The following GARS1 variants were observed in gnomAD, a reference collection of about 807,000 sequenced individuals.
GARS1 encodes the protein glycyl-tRNA synthetase 1.
GARS1 carries 46 observed loss-of-function variants against 86.4 expected under a neutral mutation model. The ratio of observed to expected loss-of-function variants is 0.53; its 90% CI spans 0.42 to 0.68. The LOEUF (loss-of-function observed/expected upper bound fraction) is 0.68, where lower values mean the gene tolerates loss of function less well. Ranked by LOEUF, GARS1 falls within the 30% of genes least tolerant of loss-of-function variation. The pLI is 0.00. For synonymous variants in GARS1, 342 were observed against 329.8 expected, an observed-to-expected ratio of 1.04 and a Z score of -0.40; for missense variants, 797 against 915.6, an observed-to-expected ratio of 0.87 and a Z score of 1.67.
rs201574439 is a variant in GARS1 at position 30,628,326 on chromosome 7, A to C, written c.1700-234A>C. On this transcript the variant is annotated intron_variant, in intron 13 of 16. Transcript: ENST00000389266. ...CAGCCTCCGGAGTAGCTGGGATTAC[A>C]CGCACCTGCCACCATACCCAGTTAA... is the stretch of plus-strand genomic sequence containing the variant. 4.5e-4 allele frequency among the ~76,000 whole-genome samples: 69 copies of C among 152,152 alleles called. 2 individuals are homozygous for C. In the East Asian group the frequency reaches 0.013, roughly 28 times the overall value.
In GARS1 at chr7:30,600,920, G is replaced by A. The variant is rs2952804; in HGVS notation, c.428-139G>A. ...CTTCCATCAGCTAGCTGAAAGTAAG[G>A]TTCTTCAGTATTGAGGGATTTGCAT... On this transcript the variant is annotated intron_variant, in intron 3 of 16. Coordinates refer to ENST00000389266, the MANE Select transcript of GARS1 (RefSeq NM_002047.4). The A allele has an allele frequency of 8.5e-3, 6,192 of 727,736 alleles. 266 individuals are homozygous for A. The African/African-American group carries it at 0.092, about 11-fold the overall frequency. 45.1% of individuals were successfully genotyped at this position (727,736 alleles called of 1,614,324 possible).
At chr7:30,608,375 A>T (rs1791523622) in intron 6 of GARS1, among the ~76,000 whole-genome samples, 1 of 152,166 alleles carries the variant, frequency 6.6e-6, no homozygotes, top group Non-Finnish European at 1.5e-5. Flanking sequence ...TGGGAAATAG[A>T]TGTTCCTCAG....
At chr7:30,605,577 G>A (rs1478585457) in intron 6 of GARS1, among the ~76,000 whole-genome samples, 2 of 152,168 alleles carry the variant, frequency 1.3e-5, no homozygotes, top group Non-Finnish European at 2.9e-5. Context: ...GAGTGGAGGG[G>A]CACGAACATG....
upstream of GARS1, chr7:30,594,749 TC>T: frequency 4.9e-6 from 3 of 610,582 alleles, no homozygotes; most frequent in Non-Finnish European, 8.6e-6. Flanking sequence ...GCGGGGTCCT[TC>T]CGGGTTTTGT....
chr7:30,594,846 TTCA>T, upstream of GARS1: 1 of 1,292,830 alleles, frequency 7.7e-7, no homozygotes, highest in Non-Finnish European at 1.1e-6. Context: ...ACGCGGCGAT[TTCA>T]TCATGCTCCG....
At chr7:30,595,735 A>G in intron 1 of GARS1, 1 of 470,734 alleles carries the variant, frequency 2.1e-6, no homozygotes, top group Non-Finnish European at 4.4e-6. Context: ...TAGAATTGAA[A>G]TGTGGATGTG....
chr7:30,609,511 G>C (rs1791551526), intron 6 of GARS1, 74 bp from the exon 7 acceptor site: 5 of 1,288,954 alleles, frequency 3.9e-6, no homozygotes, highest in Non-Finnish European at 4.5e-6. Context: ...GATGGCTAGG[G>C]TTATATATAA....
chr7:30,632,560 C>T lies in GARS1; in HGVS notation c.2094+123C>T, dbSNP rs369783924. On this transcript the variant is annotated intron_variant, in intron 16 of 16. Coordinates refer to ENST00000389266, the MANE Select transcript of GARS1 (RefSeq NM_002047.4). This position sits in a 1 kb window ranked among gnomAD's most constrained non-coding sequence, Gnocchi z 4.1. ...TTTTTTTCTTTTTAATTTTAATGAA[C>T]GGCTTGTATCAGACAGAGCCCAGAT... 3.3e-5 allele frequency: 34 copies of T among 1,015,262 alleles called. No homozygotes were observed. The highest frequency in any genetic ancestry group is 2.0e-4 in the Admixed American group (10 of 49,954). The allele number at this position is 1,015,262 out of a possible 1,614,324, so 62.9% of individuals were successfully genotyped here. A position where few individuals can be genotyped will look rare whatever the true frequency, so the allele number is the denominator to read the frequency against.
intron 16 of GARS1, 146 bp from the exon 17 acceptor site, chr7:30,633,588 TG>T: frequency 1.2e-6 from 1 of 867,892 alleles, no homozygotes; most frequent in Non-Finnish European, 1.9e-6. Flanking sequence ...GGGGAACTGG[TG>T]GGCGTTTTGG....
intron 8 of GARS1, among the ~76,000 whole-genome samples, chr7:30,612,803 T>C (rs981828897): frequency 2.0e-5 from 3 of 152,128 alleles, no homozygotes; most frequent in African/African-American, 7.2e-5. Context: ...TGGCCTCTAT[T>C]CAAATAGCCT....
chr7:30,595,090 G>A lies in GARS1; in HGVS notation c.169G>A (p.Gly57Ser). The A allele has an allele frequency of 1.3e-6, 2 of 1,544,440 alleles. No homozygotes were observed. The highest frequency in any genetic ancestry group is 1.7e-6 in the Non-Finnish European group (2 of 1,150,528). ...PAAASRSSMDGAGAEEVLAPL... is the reference protein window; with the variant it reads ...PAAASRSSMDSAGAEEVLAPL... The stretch of plus-strand genomic sequence containing the variant: ...CGCCGCCTCCCGGAGCAGCATGGAC[G>A]GCGCGGGGGCTGAGGAGGTGCTGGC... The change falls in exon 1 of 17, where the codon GGC (glycine) becomes AGC (serine). Residue 57 changes from glycine to serine, a missense_variant. Gly to Ser is a moderately conservative substitution (Grantham distance 56). Around this residue, in one of 2 missense-constraint regions of GARS1, gnomAD observed 199 missense variants for 176.9 expected, o/e 1.12. Transcript: ENST00000389266.
chr7:30,596,440 T>A (rs1001382648), intron 1 of GARS1, among the ~76,000 whole-genome samples: 8 of 151,822 alleles, frequency 5.3e-5, no homozygotes, highest in Non-Finnish European at 1.0e-4. Context: ...CTTGCCATTT[T>A]AAAAAATATC....
At chr7:30,618,002 TC>T (rs1782925571) in intron 10 of GARS1, among the ~76,000 whole-genome samples, 1 of 152,248 alleles carries the variant, frequency 6.6e-6, no homozygotes, top group Non-Finnish European at 1.5e-5. Context: ...GAGACTTTAG[TC>T]CAGGGGTCAC....
intron 12 of GARS1, among the ~76,000 whole-genome samples, chr7:30,624,721 A>G (rs2128135466): frequency 6.6e-6 from 1 of 152,322 alleles, no homozygotes; most frequent in Non-Finnish European, 1.5e-5. Context: ...GAAAAGGAAC[A>G]AAGAACAGAT....
At chr7:30,626,203 C>A (rs752964248) in intron 12 of GARS1, 31 bp from the exon 13 acceptor site, 2 of 1,422,098 alleles carry the variant, frequency 1.4e-6, no homozygotes, top group Non-Finnish European at 2.0e-6. Flanking sequence ...CCTGTTTGAA[C>A]TAATACAAAA....
At chr7:30,633,386 G>A (rs1010874189) in intron 16 of GARS1, among the ~76,000 whole-genome samples, 7 of 152,196 alleles carry the variant, frequency 4.6e-5, no homozygotes, top group African/African-American at 1.4e-4. Flanking sequence ...GCCAGTGTTT[G>A]GTTTTGGCTG....
At chr7:30,624,896 G>A (rs1418624606) in intron 12 of GARS1, among the ~76,000 whole-genome samples, 4 of 152,006 alleles carry the variant, frequency 2.6e-5, no homozygotes, top group African/African-American at 9.7e-5. Context: ...CATAAACACA[G>A]TTTGCTTTAT....
chr7:30,626,088 A>G, intron 12 of GARS1, 146 bp from the exon 13 acceptor site: 1 of 615,418 alleles, frequency 1.6e-6, no homozygotes, highest in Admixed American at 2.9e-5. Flanking sequence ...TTATGAAATA[A>G]TTTAAATTTG....
Position 30,621,462 on chromosome 7 carries a change from A to G in GARS1, c.1429A>G (p.Lys477Glu), listed in dbSNP as rs1287718221. 6.2e-7 allele frequency: 1 copy of G among 1,614,060 alleles called. No homozygotes were observed. Among genetic ancestry groups the G allele is most frequent in the African/African-American group, 1.3e-5 (1 of 74,930 alleles). The change falls in exon 11 of 17, where the codon AAA becomes GAA. Residue 477 changes from lysine (K) to glutamate (E), a missense_variant. Lys to Glu is a moderately conservative substitution (Grantham distance 56). Around this residue, in one of 2 missense-constraint regions of GARS1, gnomAD observed 598 missense variants for 738.7 expected, o/e 0.81. Transcript: ENST00000389266. ...YDLSCHARAT[K>E]VPLVAEKPLK... ...CCTCTCCTGTCATGCACGAGCCACCAAAGTCCCACTTGTAGCTGAGAAACC... is the reference window on the plus strand; with the variant it reads ...CCTCTCCTGTCATGCACGAGCCACCGAAGTCCCACTTGTAGCTGAGAAACC...
Sources: allele counts gnomAD v4.1 joint callset (sites outside exome capture counted in the v4.1 genomes callset), GRCh38; gene constraint gnomAD v4.1.1; regional missense constraint gnomAD v4.1.1; non-coding constraint Gnocchi (gnomAD v3.1); transcripts MANE v1.5; gene names NCBI Gene and HGNC (gene_info 2026-07-23, HGNC 2026-07-21).